Variants in ATIC observed in about 807,000 individuals in gnomAD.
The protein encoded by ATIC is 5-aminoimidazole-4-carboxamide ribonucleotide formyltransferase/IMP cyclohydrolase.
A neutral mutation model predicts 72.5 loss-of-function variants in ATIC; 64 were observed. The observed-to-expected ratio is 0.88, with a 90% CI of 0.72 to 1.09. The LOEUF (loss-of-function observed/expected upper bound fraction) is 1.09, where lower values mean the gene tolerates loss of function less well. Ranked by LOEUF, ATIC falls within the 50% of genes least tolerant of loss-of-function variation. The pLI, the probability that ATIC is intolerant of heterozygous loss-of-function variation, is 0.00. For synonymous variants in ATIC, 281 were observed against 267.1 expected, an observed-to-expected ratio of 1.05 and a Z score of -0.51; for missense variants, 787 against 732.4, an observed-to-expected ratio of 1.07 and a Z score of -0.86.
Position 215,321,098 on chromosome 2 carries a change from C to T in ATIC, c.290+1367C>T, listed in dbSNP as rs992169171. Among the ~76,000 whole-genome samples the T allele has an allele frequency of 3.9e-5, 6 of 152,178 alleles. No homozygotes were observed. The East Asian group carries it at 1.2e-3, about 29-fold the overall frequency. The stretch of plus-strand genomic sequence containing the variant: ...ACATCCAATATTAAAACATATTCAT[C>T]ACCCCCACCCTAAACCCTATACCCA... On this transcript the variant is annotated intron_variant, in intron 4 of 15. Coordinates refer to ENST00000236959, the MANE Select transcript of ATIC (RefSeq NM_004044.7).
chr2:215,343,852 C>T (rs986767211), intron 12 of ATIC, among the ~76,000 whole-genome samples: 13 of 152,314 alleles, frequency 8.5e-5, no homozygotes, highest in Admixed American at 7.2e-4. Context: ...AGCATACAGA[C>T]GTGGACTATC....
At chr2:215,332,641 A>G in intron 8 of ATIC, 134 bp downstream of exon 8, 1 of 1,131,804 alleles carries the variant, frequency 8.8e-7, no homozygotes, top group Non-Finnish European at 1.2e-6. Flanking sequence ...TGATAACAGT[A>G]TCAATGTAAT....
In ATIC at chr2:215,325,455, G is replaced by A. The variant is rs150904300; in HGVS notation, c.379+126G>A. ...ATAGCTACTTCTGGATTGTGTTTTGGGATTACTATAATTCATTTATATTTT... is the reference window on the plus strand; with the variant it reads ...ATAGCTACTTCTGGATTGTGTTTTGAGATTACTATAATTCATTTATATTTT... On this transcript the variant is annotated intron_variant, in intron 5 of 15. Transcript: ENST00000236959. 5.5e-4 allele frequency: 393 copies of A among 718,694 alleles called. 4 individuals are homozygous for A. The African/African-American group carries it at 6.5e-3, about 12-fold the overall frequency. The allele number at this position is 718,694 out of a possible 1,614,324, so 44.5% of individuals were successfully genotyped here.
At chr2:215,350,574 G>A (rs1023401166), downstream of ATIC, among the ~76,000 whole-genome samples, 4 of 152,176 alleles carry the variant, frequency 2.6e-5, no homozygotes, top group Non-Finnish European at 5.9e-5. Context: ...ATAATCTGAT[G>A]TATATTTTTC....
At chr2:215,340,023 T>C (rs1057304748) in intron 12 of ATIC, among the ~76,000 whole-genome samples, 2 of 152,046 alleles carry the variant, frequency 1.3e-5, no homozygotes, top group Admixed American at 1.3e-4. Context: ...TGAAGCTTGC[T>C]CTGTTGCCCA....
At chr2:215,341,388 T>C (rs16853829) in intron 12 of ATIC, among the ~76,000 whole-genome samples, 3,083 of 152,328 alleles carry the variant, frequency 0.02, 39 homozygotes, top group Non-Finnish European at 0.026. Flanking sequence ...GATTCATTAA[T>C]AATTTAGTGA....
chr2:215,337,465 C>G (rs994374994), intron 11 of ATIC, among the ~76,000 whole-genome samples: 3 of 152,122 alleles, frequency 2.0e-5, no homozygotes, highest in Non-Finnish European at 4.4e-5. Flanking sequence ...CTCCTGAGTT[C>G]AAGCGATTTT....
At chr2:215,364,832 C>G in the ATIC span, 1 of 1,310,192 alleles carries the variant, frequency 7.6e-7, no homozygotes, top group South Asian at 1.3e-5. Flanking sequence ...AGGAGCCCAC[C>G]CTTTATCTTA....
the ATIC span, chr2:215,365,079 A>G: frequency 1.3e-6 from 1 of 798,510 alleles, no homozygotes; most frequent in Non-Finnish European, 2.1e-6. Flanking sequence ...CTAAATTTGT[A>G]TCATCACAGC....
the ATIC span, chr2:215,367,561 C>T: frequency 2.5e-6 from 1 of 403,002 alleles, no homozygotes; most frequent in East Asian, 5.7e-5. Context: ...AGACCTGGTT[C>T]CAAAAGTCTT....
chr2:215,317,520 C>G (rs971989874), intron 2 of ATIC, among the ~76,000 whole-genome samples: 5 of 152,158 alleles, frequency 3.3e-5, no homozygotes, highest in Admixed American at 3.3e-4. Context: ...GAGTCTTGCT[C>G]TGTCGCCCAG....
chr2:215,325,463 A>G (rs1384623931), intron 5 of ATIC, 134 bp downstream of exon 5: 17 of 632,108 alleles, frequency 2.7e-5, no homozygotes, highest in Non-Finnish European at 3.5e-5. Flanking sequence ...TGGGATTACT[A>G]TAATTCATTT....
At chr2:215,323,176 A>T (rs950534932) in intron 4 of ATIC, among the ~76,000 whole-genome samples, 1 of 151,948 alleles carries the variant, frequency 6.6e-6, no homozygotes, top group Non-Finnish European at 1.5e-5. Context: ...CGATCTCCTG[A>T]CCTCGTGATC....
chr2:215,325,572 T>A (rs1266660294), intron 5 of ATIC, among the ~76,000 whole-genome samples: 1 of 152,096 alleles, frequency 6.6e-6, no homozygotes, highest in Non-Finnish European at 1.5e-5. Flanking sequence ...ATTTTATTTT[T>A]ATTTTTTTGA....
In ATIC at chr2:215,344,754, A is replaced by G. The variant is rs183180869; in HGVS notation, c.1228-25A>G. On this transcript the variant is annotated intron_variant, in intron 12 of 15. Transcript: ENST00000236959. The stretch of plus-strand genomic sequence containing the variant: ...AAATGAGTTTAAAAGGCCCCATGCA[A>G]TTTACCATTGTGTATGTGTTTCAGT... The G allele has an allele frequency of 1.3e-3, 2,048 of 1,606,256 alleles. 3 individuals are homozygous for G. The highest frequency in any genetic ancestry group is 1.4e-3 in the Non-Finnish European group (1,619 of 1,173,284).
chr2:215,335,970 TAG>T, intron 10 of ATIC, 63 bp from the exon 11 acceptor site: 1 of 1,289,612 alleles, frequency 7.8e-7, no homozygotes, highest in Non-Finnish European at 1.1e-6. Flanking sequence ...TAATTGCTGC[TAG>T]ATTTTTTTAA....
chr2:215,347,244 C>T (rs1425311317), intron 14 of ATIC: 3 of 413,942 alleles, frequency 7.2e-6, no homozygotes, highest in Non-Finnish European at 1.4e-5. Context: ...ATGACAAGGA[C>T]TGCTTTTCAC....
chr2:215,349,352 G>A lies in ATIC; in HGVS notation c.1659+103G>A, dbSNP rs552547254. The A allele has an allele frequency of 1.9e-6, 3 of 1,581,734 alleles. No individual in the cohort carries two copies. In the African/African-American group the frequency reaches 4.0e-5, roughly 21 times the overall value. On this transcript the variant is annotated intron_variant, in intron 15 of 15. Coordinates refer to ENST00000236959, the MANE Select transcript of ATIC (RefSeq NM_004044.7). ...TTAAAAGGTGTGGCAAAGTGATACA[G>A]ATCAGTAATATTCAGAGAACCATTT...
chr2:215,314,448 C>T (rs939551888), intron 2 of ATIC, among the ~76,000 whole-genome samples: 1 of 151,768 alleles, frequency 6.6e-6, no homozygotes, highest in Non-Finnish European at 1.5e-5. Context: ...TTAAGCACAA[C>T]GTAGTTAAGT....
Sources: allele counts gnomAD v4.1 joint callset (sites outside exome capture counted in the v4.1 genomes callset), GRCh38; gene constraint gnomAD v4.1.1; transcripts MANE v1.5; gene names NCBI Gene and HGNC (gene_info 2026-07-23, HGNC 2026-07-21).